The following NUP153 variants were observed in gnomAD, a reference collection of about 807,000 sequenced individuals.
The protein encoded by NUP153 is nuclear pore complex protein Nup153.
Under a neutral mutation model 134.6 loss-of-function variants are expected in NUP153, and 27 were observed. The ratio of observed to expected loss-of-function variants is 0.20; its 90% CI spans 0.15 to 0.28. The LOEUF is 0.28. NUP153 is among the 10% of genes least tolerant of loss of function. NUP153 has a pLI of 1.00. For missense variants in NUP153, 1,821 were observed against 1,731.3 expected (o/e 1.05, Z -0.92); for synonymous variants, 640 against 623.5 (o/e 1.03, Z -0.40).
chr6:17,623,853 A>G (rs1764777539), intron 20 of NUP153, among the ~76,000 whole-genome samples: 3 of 152,230 alleles, frequency 2.0e-5, no homozygotes, highest in African/African-American at 7.2e-5. Flanking sequence ...ATGCAGTAAT[A>G]AAACCCAAAG....
chr6:17,694,689 G>A (rs901188260), intron 1 of NUP153, among the ~76,000 whole-genome samples: 2 of 151,672 alleles, frequency 1.3e-5, no homozygotes, highest in Non-Finnish European at 2.9e-5. Flanking sequence ...AAGAAATAAA[G>A]GATGGGGCTG....
chr6:17,679,700 A>AT (rs1446182942), intron 2 of NUP153, among the ~76,000 whole-genome samples: 1 of 152,130 alleles, frequency 6.6e-6, no homozygotes, highest in East Asian at 1.9e-4. Flanking sequence ...TCACATATGT[A>AT]TTTTTTTCTT....
At chr6:17,649,438 C>G in intron 11 of NUP153, 138 bp from the exon 12 acceptor site, 1 of 759,266 alleles carries the variant, frequency 1.3e-6, no homozygotes, top group South Asian at 2.7e-5. Flanking sequence ...ATCAGAAAAA[C>G]TGAACATGAT....
intron 20 of NUP153, among the ~76,000 whole-genome samples, chr6:17,621,080 A>G (rs1186986548): frequency 6.6e-6 from 1 of 152,222 alleles, no homozygotes; most frequent in Non-Finnish European, 1.5e-5. Flanking sequence ...CATTTCTTAA[A>G]ACACAACACA....
At chr6:17,685,130 A>T (rs1180417552) in intron 2 of NUP153, among the ~76,000 whole-genome samples, 3 of 152,262 alleles carry the variant, frequency 2.0e-5, no homozygotes, top group Non-Finnish European at 4.4e-5. Flanking sequence ...GCAAAGTGCA[A>T]TAAAATATGT....
Position 17,629,375 on chromosome 6 carries a change from A to T in NUP153, c.2824T>A (p.Ser942Thr), listed in dbSNP as rs1765112272. The change falls in exon 18 of 22, where the codon TCT becomes ACT. Residue 942 changes from serine to threonine, a missense_variant. Ser to Thr is a moderately conservative substitution (Grantham distance 58). Transcript: ENST00000262077. ...AAGCCTTCACTCATGGGGTTTATAGACCCAGAATCGGATGACACACCTATT... is the reference window on the plus strand; with the variant it reads ...AAGCCTTCACTCATGGGGTTTATAGTCCCAGAATCGGATGACACACCTATT... ...FKIGVSSDSG[S>T]INPMSEGFKF... 6.2e-7 allele frequency: 1 copy of T among 1,613,648 alleles called. No homozygotes were observed. The highest frequency in any genetic ancestry group is 8.5e-7 in the Non-Finnish European group (1 of 1,179,832).
At chr6:17,684,978 G>A (rs1173480426) in intron 2 of NUP153, among the ~76,000 whole-genome samples, 2 of 152,142 alleles carry the variant, frequency 1.3e-5, no homozygotes. Flanking sequence ...CACCATGATA[G>A]ATACATAATT....
rs1398045321 is a variant in NUP153 at position 17,624,550 on chromosome 6, A to C, written c.4174+11T>G. On this transcript the variant is annotated intron_variant, in intron 20 of 21. Coordinates refer to ENST00000262077, the MANE Select transcript of NUP153 (RefSeq NM_005124.4). ...CCCATACAGATACTAACAGCATCACAGCACACTTACTAGAATTAGGAGTTG... is the reference window on the plus strand; with the variant it reads ...CCCATACAGATACTAACAGCATCACCGCACACTTACTAGAATTAGGAGTTG... 6.2e-7 allele frequency: 1 copy of C among 1,613,332 alleles called. No homozygotes were observed. The highest frequency in any genetic ancestry group is 8.5e-7 in the Non-Finnish European group (1 of 1,179,490).
At chr6:17,701,832 C>CGGGGGGGGG (rs59685451) in intron 1 of NUP153, among the ~76,000 whole-genome samples, 1 of 44,420 alleles carries the variant, frequency 2.3e-5, no homozygotes, top group African/African-American at 1.0e-4. Context: ...GACTCTGTCT[C>CGGGGGGGGG]GGGGGGGGGG....
At chr6:17,653,597 A>G (rs1766631371) in intron 11 of NUP153, among the ~76,000 whole-genome samples, 2 of 152,224 alleles carry the variant, frequency 1.3e-5, no homozygotes, top group Admixed American at 6.5e-5. Context: ...AGACCTGAAC[A>G]AGAATGTTCC....
chr6:17,635,875 T>C (rs754041775), intron 16 of NUP153, among the ~76,000 whole-genome samples: 1 of 152,258 alleles, frequency 6.6e-6, no homozygotes, highest in Non-Finnish European at 1.5e-5. Context: ...AGTTCTTTAA[T>C]ACATATGTGA....
chr6:17,628,952 A>G lies in NUP153; in HGVS notation c.3247T>C (p.Ser1083Pro), dbSNP rs747461102. 1.5e-5 allele frequency: 24 copies of G among 1,614,164 alleles called. No homozygotes were observed. The highest frequency in any genetic ancestry group is 1.9e-5 in the Non-Finnish European group (23 of 1,180,032). The change falls in exon 18 of 22, where the codon TCT (serine) becomes CCT (proline). Residue 1083 changes from serine to proline, a missense_variant. Transcript: ENST00000262077. The surrounding 1 kb of genome is among the most constrained non-coding windows in gnomAD (Gnocchi z 5.4). ...EEMPATKGGF[S>P]FGNVEPASLP... ...GAGGCAGGCTCCACGTTGCCAAAAGAGAATCCTCCTTTGGTGGCAGGCATT... is the reference window on the plus strand; with the variant it reads ...GAGGCAGGCTCCACGTTGCCAAAAGGGAATCCTCCTTTGGTGGCAGGCATT...
In NUP153 at chr6:17,675,651, T is replaced by C; in HGVS notation, c.454A>G (p.Thr152Ala). 6.2e-7 allele frequency: 1 copy of C among 1,614,162 alleles called. No individual in the cohort carries two copies. The highest frequency in any genetic ancestry group is 8.5e-7 in the Non-Finnish European group (1 of 1,180,040). ...ESPALHCQPS[T>A]SSAFPIGSSG... ...CTGCCAATTGGGAATGCCGAGGATG[T>C]AGATGGCTGACAGTGTAATGCAGGG... The change falls in exon 3 of 22, where the codon ACA becomes GCA. Residue 152 changes from threonine to alanine, a missense_variant. By Grantham distance (58) the Thr-to-Ala change is moderately conservative. Transcript: ENST00000262077. The surrounding 1 kb of genome is among the most constrained non-coding windows in gnomAD (Gnocchi z 4.4).
chr6:17,686,646 C>T (rs1351975776), intron 2 of NUP153, among the ~76,000 whole-genome samples: 2 of 150,766 alleles, frequency 1.3e-5, no homozygotes, highest in South Asian at 2.1e-4. Flanking sequence ...CCACCCACCT[C>T]GGCCTCCCAA....
At position 17,675,079 on chromosome 6, in the gene NUP153, A is replaced by G. The variant is rs749340558; in HGVS notation, c.724-46T>C. The G allele has an allele frequency of 2.5e-4, 395 of 1,605,838 alleles. 1 individual carries two copies. The highest frequency in any genetic ancestry group is 3.0e-4 in the Non-Finnish European group (351 of 1,175,174). On this transcript the variant is annotated intron_variant, in intron 4 of 21. Transcript: ENST00000262077. This position sits in a 1 kb window ranked among gnomAD's most constrained non-coding sequence, Gnocchi z 4.4. Reference sequence around the variant, plus strand: ...AAATTATAAGCCATATGAACCCAGGAGGTGGAGGTTGCAGTGAGTTAAGAT... The same window carrying G: ...AAATTATAAGCCATATGAACCCAGGGGGTGGAGGTTGCAGTGAGTTAAGAT...
intron 20 of NUP153, among the ~76,000 whole-genome samples, chr6:17,617,685 A>T (rs568690272): frequency 1.3e-5 from 2 of 151,892 alleles, no homozygotes; most frequent in East Asian, 1.9e-4. Flanking sequence ...TCTATAAAAA[A>T]TTTTTCAAAA....
intron 2 of NUP153, among the ~76,000 whole-genome samples, chr6:17,687,812 C>T (rs1053044377): frequency 2.6e-5 from 4 of 152,106 alleles, no homozygotes; most frequent in Admixed American, 6.6e-5. Context: ...ATTTAAAACA[C>T]GTGCTTTAAA....
At chr6:17,667,582 T>C (rs1767613225) in intron 8 of NUP153, among the ~76,000 whole-genome samples, 1 of 152,004 alleles carries the variant, frequency 6.6e-6, no homozygotes, top group South Asian at 2.1e-4. Context: ...GGCATGGTGA[T>C]AGGCGCCTGT....
At chr6:17,661,875 C>A in intron 10 of NUP153, 96 bp from the exon 11 acceptor site, 1 of 1,295,346 alleles carries the variant, frequency 7.7e-7, no homozygotes. Flanking sequence ...AAATATACAG[C>A]TGAACGTGAT....
Sources: gnomAD v4.1 joint callset for allele counts (sites outside exome capture counted in the v4.1 genomes callset) on GRCh38, gnomAD v4.1.1 for gene constraint, Gnocchi (gnomAD v3.1) non-coding constraint, MANE v1.5 for transcripts, NCBI Gene and HGNC (gene_info 2026-07-23, HGNC 2026-07-21) for gene names.